RBFOX1: variants seen among roughly 807,000 people sequenced by gnomAD.
The protein encoded by RBFOX1 is RNA binding fox-1 homolog 1.
A neutral mutation model predicts 57.7 loss-of-function variants in RBFOX1; 8 were observed. That is an observed-to-expected ratio of 0.14 (90% CI 0.08 to 0.25). The LOEUF (loss-of-function observed/expected upper bound fraction) is 0.25. Ranked by LOEUF, RBFOX1 falls within the 10% of genes least tolerant of loss-of-function variation. The probability of loss-of-function intolerance (pLI) is 1.00; values close to 1 mark genes in which losing one functional copy is unlikely to be tolerated. For missense variants in RBFOX1, 611 were observed against 548.5 expected (o/e 1.11, Z -1.14); for synonymous variants, 326 against 222.4 (o/e 1.47, Z -4.15).
intron 2 of RBFOX1, among the ~76,000 whole-genome samples, chr16:5,549,747 T>C (rs1055330720): frequency 7.2e-5 from 11 of 152,174 alleles, no homozygotes; most frequent in African/African-American, 2.4e-4. Context: ...TATAGTAAAA[T>C]AAACATCTCA....
chr16:7,678,697 C>T (rs1010780289), intron 14 of RBFOX1, among the ~76,000 whole-genome samples: 1 of 152,110 alleles, frequency 6.6e-6, no homozygotes, highest in African/African-American at 2.4e-5. Context: ...AAACAATTAA[C>T]AATATTTAAT....
chr16:6,895,448 G>T (rs7196478), intron 3 of RBFOX1, among the ~76,000 whole-genome samples: 1 of 54,612 alleles, frequency 1.8e-5, no homozygotes, highest in Non-Finnish European at 3.3e-5. Flanking sequence ...GTGTGTGTGT[G>T]TATATATATA....
chr16:7,464,271 G>A (rs1402364659), intron 4 of RBFOX1, among the ~76,000 whole-genome samples: 2 of 152,144 alleles, frequency 1.3e-5, no homozygotes, highest in Admixed American at 1.3e-4. Context: ...AGCCATTGGA[G>A]CTCCCCAGTA....
chr16:6,871,911 CTGTGTGTGTG>C lies in RBFOX1; in HGVS notation c.-15-180104_-15-180095del, dbSNP rs57684251. Among the ~76,000 whole-genome samples the C allele has an allele frequency of 8.5e-3, 1,107 of 129,608 alleles. 8 individuals carry two copies. The highest frequency in any genetic ancestry group is 0.018 in the East Asian group (78 of 4,304). The allele number at this position is 129,608 out of a possible 152,430, so 85.0% of individuals were successfully genotyped here. On this transcript the variant is annotated intron_variant, in intron 3 of 15. Transcript: ENST00000550418. ...AGGCTCTTTGAGAGAGGGAGAGAGT[CTGTGTGTGTG>C]TGTGTGTGTGTGTGTGTGTGTGTGT...
At chr16:7,330,388 GTTTTTTT>G (rs71391623) in intron 4 of RBFOX1, among the ~76,000 whole-genome samples, 5 of 88,120 alleles carry the variant, frequency 5.7e-5, no homozygotes, top group African/African-American at 2.2e-4. Flanking sequence ...AGGTGCAGAG[GTTTTTTT>G]TTTTTTTTTT....
At chr16:5,307,066 G>T (rs888807509) in intron 1 of RBFOX1, among the ~76,000 whole-genome samples, 6 of 152,046 alleles carry the variant, frequency 3.9e-5, no homozygotes, top group African/African-American at 1.5e-4. Flanking sequence ...CGTGGTGGGG[G>T]GTGGAGTGGG....
chr16:6,453,511 A>G (rs1038184682), intron 2 of RBFOX1, among the ~76,000 whole-genome samples: 8 of 152,268 alleles, frequency 5.3e-5, no homozygotes, highest in African/African-American at 1.9e-4. Context: ...TAGACCAATA[A>G]CAAGTTCTGA....
intron 2 of RBFOX1, among the ~76,000 whole-genome samples, chr16:6,621,759 C>A (rs1567921568): frequency 6.6e-6 from 1 of 152,176 alleles, no homozygotes; most frequent in Non-Finnish European, 1.5e-5. Context: ...AACCTTTAGG[C>A]TAATCACTGC....
Position 5,398,727 on chromosome 16 carries a change from G to A in RBFOX1, c.220-68489G>A, listed in dbSNP as rs566482570. The stretch of plus-strand genomic sequence containing the variant: ...TGATGAGCTGTGGGTCTCTTGAAGG[G>A]GTTGGGAGTAAGTGATGATTCCATG... On this transcript the variant is annotated intron_variant, in intron 1 of 2. Transcript: ENST00000585867. Among the ~76,000 whole-genome samples the A allele has an allele frequency of 8.8e-4, 134 of 152,228 alleles. 1 individual carries two copies. Among genetic ancestry groups the A allele is most frequent in the African/African-American group, 2.9e-3 (120 of 41,534 alleles).
chr16:7,126,835 C>A (rs558795396), intron 4 of RBFOX1, among the ~76,000 whole-genome samples: 1 of 151,958 alleles, frequency 6.6e-6, no homozygotes, highest in East Asian at 1.9e-4. Flanking sequence ...GGTGAAACCT[C>A]ATCTCTACTA....
intron 13 of RBFOX1, among the ~76,000 whole-genome samples, chr16:7,673,411 G>A (rs987274609): frequency 3.3e-5 from 5 of 152,068 alleles, no homozygotes; most frequent in African/African-American, 1.2e-4. Context: ...GCATAATTTT[G>A]AAACTGCTTT....
At chr16:6,724,687 C>T (rs576657959) in intron 3 of RBFOX1, among the ~76,000 whole-genome samples, 7 of 152,234 alleles carry the variant, frequency 4.6e-5, no homozygotes, top group South Asian at 4.1e-4. Context: ...TCAAAGTCAA[C>T]ATTTAAGAGT....
chr16:5,491,783 A>G (rs979711847), intron 2 of RBFOX1, among the ~76,000 whole-genome samples: 1 of 152,218 alleles, frequency 6.6e-6, no homozygotes, highest in Non-Finnish European at 1.5e-5. Flanking sequence ...TGAGCTAGAA[A>G]CATCTTTTAA....
intron 1 of RBFOX1, among the ~76,000 whole-genome samples, chr16:6,032,964 C>T (rs2095311704): frequency 6.6e-6 from 1 of 150,644 alleles, no homozygotes; most frequent in Admixed American, 6.6e-5. Flanking sequence ...TTCTGAGAAG[C>T]TACTGGCTCT....
intron 2 of RBFOX1, among the ~76,000 whole-genome samples, chr16:6,321,198 G>C (rs777842106): frequency 1.3e-5 from 2 of 152,166 alleles, no homozygotes; most frequent in African/African-American, 4.8e-5. Flanking sequence ...AATCAGGTCA[G>C]GGTAGTTAAC....
At chr16:7,602,579 G>A (rs1000448490) in intron 9 of RBFOX1, among the ~76,000 whole-genome samples, 7 of 152,172 alleles carry the variant, frequency 4.6e-5, no homozygotes, top group African/African-American at 1.7e-4. Context: ...CTTATCTCCA[G>A]CAGGGTTATC....
chr16:6,708,946 A>C (rs1276896263), intron 3 of RBFOX1, among the ~76,000 whole-genome samples: 1 of 151,686 alleles, frequency 6.6e-6, no homozygotes, highest in Non-Finnish European at 1.5e-5. Context: ...ATAGTGGCCT[A>C]GTAGCGGTGG....
intron 3 of RBFOX1, among the ~76,000 whole-genome samples, chr16:5,817,367 C>G (rs1273896262): frequency 6.6e-6 from 1 of 152,196 alleles, no homozygotes; most frequent in Non-Finnish European, 1.5e-5. Flanking sequence ...TAACGGAACT[C>G]TCACTGATAT....
intron 4 of RBFOX1, among the ~76,000 whole-genome samples, chr16:7,204,428 G>T (rs1195784756): frequency 6.6e-6 from 1 of 152,154 alleles, no homozygotes; most frequent in Non-Finnish European, 1.5e-5. Context: ...GATCACTTGA[G>T]CCCAGGAGTT....
Sources: gnomAD v4.1 joint callset for allele counts (sites outside exome capture counted in the v4.1 genomes callset) on GRCh38, gnomAD v4.1.1 for gene constraint, MANE v1.5 for transcripts, NCBI Gene and HGNC (gene_info 2026-07-23, HGNC 2026-07-21) for gene names.